The following KCNT2 variants were observed in gnomAD, a reference collection of about 807,000 sequenced individuals.
KCNT2 encodes potassium sodium-activated channel subfamily T member 2, also known as potassium channel subfamily T member 2.
Under a neutral mutation model 153.8 loss-of-function variants are expected in KCNT2, and 67 were observed. The ratio of observed to expected loss-of-function variants is 0.44; its 90% CI spans 0.36 to 0.53. The LOEUF (loss-of-function observed/expected upper bound fraction) is 0.53, where lower values mean the gene tolerates loss of function less well. Among genes scored for constraint, KCNT2 ranks in the 20% least tolerant of loss-of-function variants. The probability of loss-of-function intolerance (pLI) is 0.00; values close to 1 mark genes in which losing one functional copy is unlikely to be tolerated. For missense variants in KCNT2, 975 were observed against 1,354.8 expected (o/e 0.72, Z 4.40); for synonymous variants, 500 against 458.8 (o/e 1.09, Z -1.15).
intron 1 of KCNT2, among the ~76,000 whole-genome samples, chr1:196,560,700 CT>C (rs1558078573): frequency 2.0e-5 from 2 of 101,426 alleles, no homozygotes; most frequent in African/African-American, 6.5e-5. Context: ...GATGTTTTTT[CT>C]TCCCCCCTCT....
At chr1:196,331,484 A>G (rs1420426735) in intron 17 of KCNT2, among the ~76,000 whole-genome samples, 1 of 152,062 alleles carries the variant, frequency 6.6e-6, no homozygotes, top group Non-Finnish European at 1.5e-5. Flanking sequence ...GCATTTTAAA[A>G]TGGTTGGAAA....
At chr1:196,542,541 G>A (rs1656521539) in intron 1 of KCNT2, among the ~76,000 whole-genome samples, 1 of 152,086 alleles carries the variant, frequency 6.6e-6, no homozygotes, top group Non-Finnish European at 1.5e-5. Flanking sequence ...CACCTTTCTT[G>A]TATAATCCCC....
intron 14 of KCNT2, among the ~76,000 whole-genome samples, chr1:196,369,295 T>C (rs957563755): frequency 1.3e-5 from 2 of 152,168 alleles, no homozygotes; most frequent in Non-Finnish European, 2.9e-5. Flanking sequence ...GGTGATTTTT[T>C]CTAAAGAATA....
intron 17 of KCNT2, among the ~76,000 whole-genome samples, chr1:196,332,076 A>G (rs1445222118): frequency 6.6e-6 from 1 of 152,180 alleles, no homozygotes; most frequent in Admixed American, 6.6e-5. Context: ...GTTTGATTTT[A>G]ACAAATTTAC....
intron 13 of KCNT2, among the ~76,000 whole-genome samples, chr1:196,388,863 C>G (rs1335988939): frequency 6.6e-6 from 1 of 151,652 alleles, no homozygotes; most frequent in African/African-American, 2.4e-5. Flanking sequence ...CTAACATGTA[C>G]ATTAACATTT....
At chr1:196,316,616 C>G (rs956298940) in intron 20 of KCNT2, among the ~76,000 whole-genome samples, 2 of 151,604 alleles carry the variant, frequency 1.3e-5, no homozygotes, top group African/African-American at 4.8e-5. Flanking sequence ...TACTGTTTAG[C>G]CAGCCTAAGT....
At position 196,294,215 on chromosome 1, in the gene KCNT2, A is replaced by T. The variant is rs548048793; in HGVS notation, c.2596-8457T>A. Among the ~76,000 whole-genome samples the T allele has an allele frequency of 1.5e-3, 222 of 152,290 alleles. 1 individual carries two copies. The highest frequency in any genetic ancestry group is 5.1e-3 in the African/African-American group (212 of 41,564). Reference sequence around the variant, plus strand: ...AGACAAAATAAGTGTTAGCCAGAGGAGTGGAGCAAAGAGAACCCTTTGCAC... The same window carrying T: ...AGACAAAATAAGTGTTAGCCAGAGGTGTGGAGCAAAGAGAACCCTTTGCAC... On this transcript the variant is annotated intron_variant, in intron 22 of 27. Coordinates refer to ENST00000294725, the MANE Select transcript of KCNT2 (RefSeq NM_198503.5).
intron 1 of KCNT2, among the ~76,000 whole-genome samples, chr1:196,544,009 T>G (rs1656729496): frequency 6.6e-6 from 1 of 152,136 alleles, no homozygotes; most frequent in African/African-American, 2.4e-5. Context: ...CGTGGGTGAC[T>G]AGTTAAACTA....
At chr1:196,514,983 GTTCTAGACA>G (rs1422401332) in intron 1 of KCNT2, among the ~76,000 whole-genome samples, 2 of 152,184 alleles carry the variant, frequency 1.3e-5, no homozygotes, top group Non-Finnish European at 2.9e-5. Context: ...CAACAGATGA[GTTCTAGACA>G]TTCTAGACAT....
chr1:196,404,135 G>T, intron 12 of KCNT2: 2 of 979,120 alleles, frequency 2.0e-6, no homozygotes, highest in Non-Finnish European at 2.4e-6. Flanking sequence ...CACTTACCTT[G>T]CATTTAGTGA....
chr1:196,596,115 T>A (rs1350885355), intron 1 of KCNT2, among the ~76,000 whole-genome samples: 2 of 147,984 alleles, frequency 1.4e-5, no homozygotes, highest in African/African-American at 2.6e-5. Flanking sequence ...ATTTTCTTTA[T>A]CCAGTTGTTG....
In KCNT2 at chr1:196,376,836, C is replaced by T. The variant is rs539375321; in HGVS notation, c.1295-3588G>A. Among the ~76,000 whole-genome samples, 3 of 152,020 alleles carry T rather than the reference C, an allele frequency of 2.0e-5. No individual in the cohort carries two copies. The East Asian group carries it at 5.8e-4, about 29-fold the overall frequency. On this transcript the variant is annotated intron_variant, in intron 13 of 27. Transcript: ENST00000294725. ...TGACCCGCTTCCTCATAGTTGTTTCCCTATTGCCCACAAACCACATAAACA... is the reference window on the plus strand; with the variant it reads ...TGACCCGCTTCCTCATAGTTGTTTCTCTATTGCCCACAAACCACATAAACA...
chr1:196,582,789 T>C (rs74134372), intron 1 of KCNT2, among the ~76,000 whole-genome samples: 7,867 of 152,082 alleles, frequency 0.052, 685 homozygotes, highest in African/African-American at 0.18. Flanking sequence ...CTGCTTCAGC[T>C]TGTCCAAACT....
chr1:196,579,489 A>T (rs920109809), intron 1 of KCNT2, among the ~76,000 whole-genome samples: 3 of 152,016 alleles, frequency 2.0e-5, no homozygotes, highest in African/African-American at 7.2e-5. Flanking sequence ...AAGTGAAAAA[A>T]AAAGTAGAAA....
intron 1 of KCNT2, among the ~76,000 whole-genome samples, chr1:196,501,079 C>T (rs1680660234): frequency 1.3e-5 from 2 of 152,060 alleles, no homozygotes; most frequent in South Asian, 2.1e-4. Context: ...GCAGAGAAAA[C>T]GGTGCACTTA....
chr1:196,552,592 T>C (rs1658061529), intron 1 of KCNT2, among the ~76,000 whole-genome samples: 1 of 151,440 alleles, frequency 6.6e-6, no homozygotes, highest in African/African-American at 2.4e-5. Context: ...TAAAACTCAC[T>C]GGAAATAGTA....
chr1:196,559,884 T>C (rs756124505), intron 1 of KCNT2, among the ~76,000 whole-genome samples: 10 of 151,832 alleles, frequency 6.6e-5, no homozygotes, highest in East Asian at 1.9e-4. Flanking sequence ...TCTATGTGTA[T>C]GTATGTGTGT....
At chr1:196,601,333 C>A (rs1015076378) in intron 1 of KCNT2, among the ~76,000 whole-genome samples, 1 of 152,302 alleles carries the variant, frequency 6.6e-6, no homozygotes, top group East Asian at 1.9e-4. Flanking sequence ...TCCTTTATAG[C>A]CTAGCACAAC....
At chr1:196,551,716 T>A (rs1281190357) in intron 1 of KCNT2, among the ~76,000 whole-genome samples, 1 of 151,684 alleles carries the variant, frequency 6.6e-6, no homozygotes, top group Non-Finnish European at 1.5e-5. Context: ...TGTGTTTTTC[T>A]GCAGTTTCTT....
Sources: allele counts gnomAD v4.1 joint callset (sites outside exome capture counted in the v4.1 genomes callset), GRCh38; gene constraint gnomAD v4.1.1; transcripts MANE v1.5; gene names NCBI Gene and HGNC (gene_info 2026-07-23, HGNC 2026-07-21).